Variants in IL1RAPL2 observed in about 807,000 individuals in gnomAD.
The protein encoded by IL1RAPL2 is X-linked interleukin-1 receptor accessory protein-like 2.
In IL1RAPL2, 3 loss-of-function variants were observed where a neutral mutation model predicts 44.1. The ratio of observed to expected loss-of-function variants is 0.07; its 90% CI spans 0.03 to 0.18. IL1RAPL2 has a LOEUF of 0.18. IL1RAPL2 is among the 10% of genes least tolerant of loss of function. IL1RAPL2 has a pLI of 1.00. For synonymous variants in IL1RAPL2, 181 were observed against 178.8 expected, an observed-to-expected ratio of 1.01 and a Z score of -0.10; for missense variants, 391 against 496.4, an observed-to-expected ratio of 0.79 and a Z score of 2.02.
chrX:104,778,099 A>C (rs950686426), intron 2 of IL1RAPL2, among the ~76,000 whole-genome samples: 2 of 110,842 alleles, frequency 1.8e-5, no homozygotes, highest in East Asian at 5.7e-4. Context: ...ATGATTAGTA[A>C]TATTAAGCAT....
intron 1 of IL1RAPL2, among the ~76,000 whole-genome samples, chrX:104,629,293 T>G (rs1035196162): frequency 2.7e-5 from 3 of 111,895 alleles, no homozygotes; most frequent in Admixed American, 9.5e-5. Context: ...GTTGAGCAGT[T>G]TTTTTCATAT....
chrX:105,602,296 G>T (rs1251540157), intron 6 of IL1RAPL2, among the ~76,000 whole-genome samples: 1 of 109,915 alleles, frequency 9.1e-6, no homozygotes, highest in Non-Finnish European at 1.9e-5. Flanking sequence ...TGCACTCTGT[G>T]CATGTCCCCC....
chrX:105,127,221 A>G (rs1169731847), intron 2 of IL1RAPL2, among the ~76,000 whole-genome samples: 2 of 111,271 alleles, frequency 1.8e-5, no homozygotes, highest in African/African-American at 3.2e-5. Flanking sequence ...CAAGAGACCA[A>G]TAACTTTTTC....
chrX:104,582,632 CTT>C (rs1223870624), intron 1 of IL1RAPL2, among the ~76,000 whole-genome samples: 134 of 64,524 alleles, frequency 2.1e-3, no homozygotes, highest in African/African-American at 8.4e-3. Context: ...TTCTTTCTTT[CTT>C]TCTTTCTCTC....
At chrX:104,989,686 T>C (rs2030625325) in intron 2 of IL1RAPL2, among the ~76,000 whole-genome samples, 1 of 111,590 alleles carries the variant, frequency 9.0e-6, no homozygotes, top group African/African-American at 3.3e-5. Flanking sequence ...CTCTGTTCTC[T>C]GGATTTATCA....
chrX:104,886,864 G>A (rs1282460274), intron 2 of IL1RAPL2, among the ~76,000 whole-genome samples: 1 of 112,044 alleles, frequency 8.9e-6, no homozygotes, highest in East Asian at 2.8e-4. Flanking sequence ...TCAAGTCCAG[G>A]CACTCTGGCC....
At chrX:104,586,680 A>G (rs1457977207) in intron 1 of IL1RAPL2, among the ~76,000 whole-genome samples, 1 of 111,961 alleles carries the variant, frequency 8.9e-6, no homozygotes, top group Non-Finnish European at 1.9e-5. Context: ...AAAGTCAAGC[A>G]TCTTAGTTAT....
intron 1 of IL1RAPL2, among the ~76,000 whole-genome samples, chrX:104,634,688 A>G (rs936363971): frequency 2.7e-5 from 3 of 109,736 alleles, no homozygotes; most frequent in African/African-American, 6.7e-5. Flanking sequence ...TTTGTTTTCC[A>G]TTTGCTTGGT....
intron 2 of IL1RAPL2, among the ~76,000 whole-genome samples, chrX:104,722,040 C>A (rs1931689487): frequency 9.0e-6 from 1 of 111,192 alleles, no homozygotes. Flanking sequence ...TCATAGGTGC[C>A]TTGTTTAGTG....
chrX:104,818,368 C>G (rs901633538), intron 2 of IL1RAPL2, among the ~76,000 whole-genome samples: 39 of 98,413 alleles, frequency 4.0e-4, no homozygotes, highest in Non-Finnish European at 6.4e-4. Flanking sequence ...AAAAAAAGGT[C>G]AGTTTTTCTG....
intron 2 of IL1RAPL2, among the ~76,000 whole-genome samples, chrX:105,082,180 A>G (rs1369921049): frequency 1.8e-5 from 2 of 111,357 alleles, no homozygotes; most frequent in Non-Finnish European, 3.8e-5. Context: ...TCGGAGATCC[A>G]ATTTCTTCCT....
At chrX:105,208,914 T>C (rs782209821) in intron 3 of IL1RAPL2, among the ~76,000 whole-genome samples, 1 of 111,691 alleles carries the variant, frequency 9.0e-6, no homozygotes, top group Non-Finnish European at 1.9e-5. Context: ...ATGCACACTG[T>C]CCACACACAG....
intron 6 of IL1RAPL2, among the ~76,000 whole-genome samples, chrX:105,697,380 G>A (rs187757835): frequency 5.4e-5 from 6 of 110,958 alleles, no homozygotes; most frequent in African/African-American, 2.0e-4. Flanking sequence ...CCAATCCTGA[G>A]GTTTGAAGCA....
intron 2 of IL1RAPL2, among the ~76,000 whole-genome samples, chrX:104,984,363 C>T (rs898189556): frequency 8.9e-6 from 1 of 111,896 alleles, no homozygotes; most frequent in South Asian, 3.7e-4. Flanking sequence ...CCACTAGCTG[C>T]TTTTTTTCTC....
At chrX:105,099,542 G>T (rs1428262199) in intron 2 of IL1RAPL2, among the ~76,000 whole-genome samples, 1 of 91,960 alleles carries the variant, frequency 1.1e-5, no homozygotes, top group African/African-American at 4.1e-5. Flanking sequence ...TCCGCTCACT[G>T]CAAGCTCCGC....
At chrX:105,315,459 T>C (rs2034829584) in intron 5 of IL1RAPL2, among the ~76,000 whole-genome samples, 1 of 102,189 alleles carries the variant, frequency 9.8e-6, no homozygotes, top group Admixed American at 1.1e-4. Flanking sequence ...CTTTAGTACA[T>C]TCACAATATT....
At chrX:105,359,607 A>T (rs967661213) in intron 5 of IL1RAPL2, among the ~76,000 whole-genome samples, 15 of 111,011 alleles carry the variant, frequency 1.4e-4, no homozygotes, top group Non-Finnish European at 2.6e-4. Context: ...TTTTTCTGCT[A>T]CACCATGTTC....
intron 5 of IL1RAPL2, among the ~76,000 whole-genome samples, chrX:105,444,403 G>T (rs893767398): frequency 3.6e-5 from 4 of 110,666 alleles, no homozygotes; most frequent in African/African-American, 1.3e-4. Flanking sequence ...GTGTTACTCA[G>T]GAAACTTTTG....
rs1421287309 is a variant in IL1RAPL2 at position 104,829,382 on chromosome X, G to C, written c.82+170387G>C. ...CCCACGGCTTCCCTTGGCTAGGGGA[G>C]GGAGTTCCACCACCCCTTGCAAATC... On this transcript the variant is annotated intron_variant, in intron 2 of 10. Coordinates refer to ENST00000372582, the MANE Select transcript of IL1RAPL2 (RefSeq NM_017416.2). Among the ~76,000 whole-genome samples the C allele has an allele frequency of 2.7e-5, 3 of 111,526 alleles. No individual in the cohort carries two copies. The East Asian group carries it at 8.5e-4, about 32-fold the overall frequency.
Sources: allele counts gnomAD v4.1 joint callset (sites outside exome capture counted in the v4.1 genomes callset), GRCh38; gene constraint gnomAD v4.1.1; transcripts MANE v1.5; gene names NCBI Gene and HGNC (gene_info 2026-07-23, HGNC 2026-07-21).